The following COL5A1 variants were observed in gnomAD, a reference collection of about 807,000 sequenced individuals.
COL5A1 encodes collagen alpha-1(V) chain.
COL5A1 carries 16 observed loss-of-function variants against 263.7 expected under a neutral mutation model. The observed-to-expected ratio is 0.06, with a 90% CI of 0.04 to 0.09. The LOEUF is 0.09. COL5A1 is among the 10% of genes least tolerant of loss of function. COL5A1 has a pLI of 1.00. For synonymous variants in COL5A1, 1,012 were observed against 1,004.5 expected, an observed-to-expected ratio of 1.01 and a Z score of -0.14; for missense variants, 2,036 against 2,540.5, an observed-to-expected ratio of 0.80 and a Z score of 4.27.
chr9:134,759,924 T>A (rs1277038193), intron 18 of COL5A1, among the ~76,000 whole-genome samples: 1 of 80,558 alleles, frequency 1.2e-5, no homozygotes, highest in Non-Finnish European at 2.2e-5. Context: ...CACTCATACA[T>A]GCACACACAC....
rs1182340221 is a variant in COL5A1 at position 134,794,380 on chromosome 9, G to A, written c.2701-702G>A. On this transcript the variant is annotated intron_variant, in intron 32 of 65. Coordinates refer to ENST00000371817, the MANE Select transcript of COL5A1 (RefSeq NM_000093.5). The surrounding 1 kb of genome is among the most constrained non-coding windows in gnomAD (Gnocchi z 4.3). ...AGTCAAGTTCAGGAAGCTGAGTTGG[G>A]ACACGGTGGGGGATGTAGGGGCCCC... Among the ~76,000 whole-genome samples the A allele has an allele frequency of 1.3e-5, 2 of 151,976 alleles. No homozygotes were observed. The highest frequency in any genetic ancestry group is 2.4e-5 in the African/African-American group (1 of 41,400).
intron 4 of COL5A1, among the ~76,000 whole-genome samples, chr9:134,707,346 G>A (rs1037555430): frequency 6.6e-6 from 1 of 152,216 alleles, no homozygotes; most frequent in Admixed American, 6.5e-5. Flanking sequence ...AAGCTCTAAC[G>A]GTCCTCCATC....
intron 24 of COL5A1, 101 bp downstream of exon 24, chr9:134,767,455 A>G: frequency 3.6e-6 from 4 of 1,113,664 alleles, no homozygotes; most frequent in Non-Finnish European, 5.4e-6. Context: ...CTCTCAATGT[A>G]TATCTTGGTG....
At chr9:134,753,766 G>GGCCCC in intron 14 of COL5A1, 84 bp from the exon 15 acceptor site, 10 of 615,298 alleles carry the variant, frequency 1.6e-5, no homozygotes, top group African/African-American at 4.0e-5. Context: ...CCCTCCCCCT[G>GGCCCC]CCCCTCCCCT....
chr9:134,724,533 A>C (rs985702435), intron 4 of COL5A1, among the ~76,000 whole-genome samples: 1 of 152,184 alleles, frequency 6.6e-6, no homozygotes, highest in African/African-American at 2.4e-5. Flanking sequence ...GCTCCATCCA[A>C]GTCTCAGTGC....
At chr9:134,679,672 G>A (rs1832794574) in intron 1 of COL5A1, among the ~76,000 whole-genome samples, 1 of 128,378 alleles carries the variant, frequency 7.8e-6, no homozygotes, top group Admixed American at 7.8e-5. Flanking sequence ...GGCACTGCGG[G>A]GCTTCTTGGG....
rs1330022009 is a variant in COL5A1 at position 134,796,383 on chromosome 9, G to A, written c.2809G>A (p.Gly937Arg). 15 of 1,614,052 alleles carry A rather than the reference G, an allele frequency of 9.3e-6. No homozygotes were observed. The highest frequency in any genetic ancestry group is 2.2e-5 in the East Asian group (1 of 44,896). The change falls in exon 35 of 66, where the codon GGA becomes AGA. Residue 937 changes from glycine (G) to arginine (R), a missense_variant. By Grantham distance (125) the Gly-to-Arg change is moderately radical (BLOSUM62 -2). Transcript: ENST00000371817. ...CTCCTTCCCTCTCAAGGGCAACTCC[G>A]GAGGTGACGGCCCAGCTGGCCCTCC... ...TGKPGPKGNS[G>R]GDGPAGPPGE...
intron 50 of COL5A1, 74 bp from the exon 51 acceptor site, chr9:134,815,502 T>G: frequency 6.1e-6 from 9 of 1,467,302 alleles, no homozygotes; most frequent in East Asian, 2.3e-5. Context: ...CTTGAGGTGG[T>G]GACATGATTG....
chr9:134,762,868 CGTGT>C (rs36058752), intron 19 of COL5A1, among the ~76,000 whole-genome samples: 16 of 149,792 alleles, frequency 1.1e-4, no homozygotes, highest in South Asian at 2.1e-4. Flanking sequence ...ATTGAGAGGA[CGTGT>C]GTGTGTGTGT....
chr9:134,835,465 G>C (rs1364986379), intron 65 of COL5A1, among the ~76,000 whole-genome samples: 5 of 152,220 alleles, frequency 3.3e-5, no homozygotes, highest in African/African-American at 1.2e-4. Flanking sequence ...CAGGGGCGTG[G>C]GTCCCTCGCC....
rs1836714091 is a variant in COL5A1 at position 134,767,387 on chromosome 9, G to A, written c.2232+33G>A. 1.9e-6 allele frequency: 3 copies of A among 1,603,514 alleles called. No individual in the cohort carries two copies. The East Asian group carries it at 6.7e-5, about 36-fold the overall frequency. The stretch of plus-strand genomic sequence containing the variant: ...GGCCTGGGCTGTGTTGCAGGCCACT[G>A]CCCGCCTGCAGGTGGATTCCCTGGC... On this transcript the variant is annotated intron_variant, in intron 24 of 65. Transcript: ENST00000371817.
At chr9:134,799,415 C>G (rs1292323841) in intron 37 of COL5A1, among the ~76,000 whole-genome samples, 4 of 152,222 alleles carry the variant, frequency 2.6e-5, no homozygotes, top group African/African-American at 4.8e-5. Context: ...TGTGTTCCTT[C>G]TCCGAGTGCC....
At chr9:134,785,136 A>T (rs1236681494) in intron 30 of COL5A1, 40 bp downstream of exon 30, 2 of 1,527,740 alleles carry the variant, frequency 1.3e-6, no homozygotes, top group Non-Finnish European at 9.1e-7. Flanking sequence ...CTTGGGAGGG[A>T]TCTGACAGGC....
At position 134,819,692 on chromosome 9, in the gene COL5A1, C is replaced by T. The variant is rs150612912; in HGVS notation, c.4447-424C>T. Among the ~76,000 whole-genome samples the T allele has an allele frequency of 2.9e-3, 441 of 152,312 alleles. 2 individuals are homozygous for T. Among genetic ancestry groups the T allele is most frequent in the African/African-American group, 0.01 (418 of 41,572 alleles). ...ATGGATTCTTCTTTTTTTAGAAAAA[C>T]AACCCATGATTGTAATATCTATAAT... On this transcript the variant is annotated intron_variant, in intron 57 of 65. Coordinates refer to ENST00000371817, the MANE Select transcript of COL5A1 (RefSeq NM_000093.5).
At chr9:134,791,669 C>T (rs778681697) in intron 32 of COL5A1, among the ~76,000 whole-genome samples, 13 of 152,076 alleles carry the variant, frequency 8.5e-5, no homozygotes, top group Non-Finnish European at 1.8e-4. Context: ...AGCCTCTGGG[C>T]GCTGGCTTGC....
rs146662001 is a variant in COL5A1, at chr9:134,778,250, T to A, written c.2386-1852T>A. Among the ~76,000 whole-genome samples the A allele has an allele frequency of 2.3e-3, 346 of 152,318 alleles. 2 individuals carry two copies. Among genetic ancestry groups the A allele is most frequent in the Middle Eastern group, 0.017 (5 of 294 alleles). Reference sequence around the variant, plus strand: ...CTGCTAGGAAAAAAACACCACCAAGTGCTTAGAAACCACTCGCCTCTCAGC... The same window carrying A: ...CTGCTAGGAAAAAAACACCACCAAGAGCTTAGAAACCACTCGCCTCTCAGC... On this transcript the variant is annotated intron_variant, in intron 27 of 65. Coordinates refer to ENST00000371817, the MANE Select transcript of COL5A1 (RefSeq NM_000093.5).
rs900258334 is a variant in COL5A1 at position 134,652,363 on chromosome 9, G to C, written c.109+10067G>C. Reference sequence around the variant, plus strand: ...ACACGGCTCTGCTGGGTGGGGCAAGGAGATGCCCCAGGTGGAGCCATCGGG... The same window carrying C: ...ACACGGCTCTGCTGGGTGGGGCAAGCAGATGCCCCAGGTGGAGCCATCGGG... On this transcript the variant is annotated intron_variant, in intron 1 of 65. Transcript: ENST00000371817. This position sits in a 1 kb window ranked among gnomAD's most constrained non-coding sequence, Gnocchi z 4.4. Among the ~76,000 whole-genome samples, 17 of 143,942 alleles carry C rather than the reference G, an allele frequency of 1.2e-4. No homozygotes were observed. The highest frequency in any genetic ancestry group is 2.1e-4 in the Non-Finnish European group (14 of 65,206). 94.4% of individuals were successfully genotyped at this position (143,942 alleles called of 152,430 possible).
At chr9:134,812,289 A>T (rs1838553663) in intron 46 of COL5A1, among the ~76,000 whole-genome samples, 160 bp from the exon 47 acceptor site, 1 of 152,158 alleles carries the variant, frequency 6.6e-6, no homozygotes, top group African/African-American at 2.4e-5. Flanking sequence ...TGAGACTGGG[A>T]ACCCCGGGAC....
chr9:134,798,613 T>C (rs1476961005), intron 37 of COL5A1, 152 bp downstream of exon 37: 3 of 202,802 alleles, frequency 1.5e-5, no homozygotes, highest in Non-Finnish European at 2.4e-5. Flanking sequence ...CCGGGCCGGC[T>C]TCCGCTGACT....
Sources: allele counts gnomAD v4.1 joint callset (sites outside exome capture counted in the v4.1 genomes callset), GRCh38; gene constraint gnomAD v4.1.1; non-coding constraint Gnocchi (gnomAD v3.1); transcripts MANE v1.5; gene names NCBI Gene and HGNC (gene_info 2026-07-23, HGNC 2026-07-21).